PCNX1: variants seen among roughly 807,000 people sequenced by gnomAD.
The protein encoded by PCNX1 is pecanex 1.
A neutral mutation model predicts 242.2 loss-of-function variants in PCNX1; 78 were observed. The ratio of observed to expected loss-of-function variants is 0.32; its 90% confidence interval spans 0.27 to 0.39. PCNX1 has a LOEUF of 0.39. Among genes scored for constraint, PCNX1 ranks in the 10% least tolerant of loss-of-function variants. The probability of loss-of-function intolerance (pLI) is 1.00; values close to 1 mark genes in which losing one functional copy is unlikely to be tolerated. For synonymous variants in PCNX1, 1,024 were observed against 1,032.9 expected, an observed-to-expected ratio of 0.99 and a Z score of 0.17; for missense variants, 2,581 against 2,856.5, an observed-to-expected ratio of 0.90 and a Z score of 2.20.
intron 7 of PCNX1, among the ~76,000 whole-genome samples, chr14:70,994,984 G>A (rs774405761): frequency 7.9e-5 from 12 of 151,990 alleles, no homozygotes; most frequent in Non-Finnish European, 1.6e-4. Context: ...CTAAAATGAT[G>A]GATCCATGTA....
intron 26 of PCNX1, among the ~76,000 whole-genome samples, chr14:71,069,823 C>T (rs1007415546): frequency 1.3e-5 from 2 of 152,104 alleles, no homozygotes; most frequent in African/African-American, 2.4e-5. Context: ...TGGTGATTGC[C>T]GAAGGTTGGG....
intron 2 of PCNX1, among the ~76,000 whole-genome samples, chr14:70,950,061 A>G (rs926794254): frequency 2.0e-5 from 3 of 152,118 alleles, no homozygotes; most frequent in Non-Finnish European, 4.4e-5. Flanking sequence ...ATTTCTGTAT[A>G]TTTTCCAGGG....
At chr14:70,949,267 A>ATACACACACGTGCG (rs1566608325) in intron 2 of PCNX1, among the ~76,000 whole-genome samples, 1 of 23,820 alleles carries the variant, frequency 4.2e-5, no homozygotes, top group African/African-American at 1.3e-4. Flanking sequence ...ACACACGTGT[A>ATACACACACGTGCG]TGCACACACG....
intron 8 of PCNX1, among the ~76,000 whole-genome samples, chr14:70,998,881 T>G (rs555567579): frequency 3.3e-5 from 5 of 152,274 alleles, no homozygotes; most frequent in Admixed American, 3.3e-4. Flanking sequence ...GTTTTGGAAG[T>G]TAATATCTTT....
chr14:71,110,009 G>GAAGATGCC lies in PCNX1; in HGVS notation c.*75_*82dup. 7.7e-7 allele frequency: 1 copy of GAAGATGCC among 1,299,592 alleles called. No individual in the cohort carries two copies. Among genetic ancestry groups the GAAGATGCC allele is most frequent in the Non-Finnish European group, 1.1e-6 (1 of 897,154 alleles). The allele number at this position is 1,299,592 out of a possible 1,614,324, so 80.5% of individuals were successfully genotyped here. ...CATTGGAAAAAGAGAGGAACAAGCA[G>GAAGATGCC]AAGATGCCTGCAGGTATCACTTTGA... On this transcript the variant is annotated 3_prime_UTR_variant, in exon 36 of 36. Coordinates refer to ENST00000304743, the MANE Select transcript of PCNX1 (RefSeq NM_014982.3).
At chr14:71,078,917 G>A (rs145855021) in intron 28 of PCNX1, among the ~76,000 whole-genome samples, 105 of 152,104 alleles carry the variant, frequency 6.9e-4, no homozygotes, top group African/African-American at 2.4e-3. Context: ...TTGTGGCATG[G>A]GTATACACAT....
intron 5 of PCNX1, among the ~76,000 whole-genome samples, chr14:70,976,265 A>G (rs1792851721): frequency 6.6e-6 from 1 of 152,148 alleles, no homozygotes; most frequent in South Asian, 2.1e-4. Flanking sequence ...ACAGATTTAC[A>G]GGGGGGTAAC....
At chr14:71,098,558 G>C (rs1377405778) in intron 30 of PCNX1, among the ~76,000 whole-genome samples, 2 of 150,856 alleles carry the variant, frequency 1.3e-5, no homozygotes, top group African/African-American at 4.9e-5. Context: ...GTGTGTGAGA[G>C]AGAGAGAGAG....
At position 70,947,087 on chromosome 14, in the gene PCNX1, A is replaced by G. The variant is rs2057486419; in HGVS notation, c.326A>G (p.Asn109Ser). The G allele has an allele frequency of 6.2e-7, 1 of 1,613,018 alleles. No homozygotes were observed. The highest frequency in any genetic ancestry group is 8.5e-7 in the Non-Finnish European group (1 of 1,179,488). ...TDQRTKAEQG[N>S]CSTRRKDSNG... is the part of the protein sequence containing the mutation. ...CAGCGAACCAAAGCTGAACAAGGCAACTGTTCAACCAGGAGAAAAGACAGC... is the reference window on the plus strand; with the variant it reads ...CAGCGAACCAAAGCTGAACAAGGCAGCTGTTCAACCAGGAGAAAAGACAGC... The change falls in exon 2 of 36, where the codon AAC becomes AGC. Residue 109 changes from asparagine to serine, a missense_variant. Physicochemically the swap from Asn to Ser is conservative, Grantham distance 46 (BLOSUM62 1). This residue lies in a region of PCNX1 where 1,204 missense variants were observed against 1,216.7 expected (regional missense o/e 0.99). Coordinates refer to ENST00000304743, the MANE Select transcript of PCNX1 (RefSeq NM_014982.3).
chr14:70,910,685 G>A (rs1566809791), intron 1 of PCNX1, among the ~76,000 whole-genome samples: 1 of 152,124 alleles, frequency 6.6e-6, no homozygotes, highest in East Asian at 1.9e-4. Flanking sequence ...ATTCCTAACT[G>A]ATATCTATTT....
chr14:70,988,364 A>C (rs562465196), intron 6 of PCNX1, among the ~76,000 whole-genome samples: 12 of 152,374 alleles, frequency 7.9e-5, no homozygotes, highest in African/African-American at 2.9e-4. Context: ...ATTATTTTTA[A>C]AGAAACAATT....
At chr14:70,956,268 C>A (rs369783329) in intron 2 of PCNX1, among the ~76,000 whole-genome samples, 15 of 152,078 alleles carry the variant, frequency 9.9e-5, no homozygotes, top group African/African-American at 2.9e-4. Flanking sequence ...AAGGGCCAAG[C>A]GCAGTGGCTC....
chr14:70,986,970 T>C (rs1223862467), intron 6 of PCNX1, among the ~76,000 whole-genome samples: 1 of 152,222 alleles, frequency 6.6e-6, no homozygotes, highest in Non-Finnish European at 1.5e-5. Flanking sequence ...TAAACCTTAT[T>C]GGTGTCTAAG....
At chr14:70,924,231 CAAAA>C (rs60333920) in intron 1 of PCNX1, among the ~76,000 whole-genome samples, 4 of 98,004 alleles carry the variant, frequency 4.1e-5, no homozygotes, top group Non-Finnish European at 6.1e-5. Flanking sequence ...GAGACTGTCT[CAAAA>C]AAAAAAAAAA....
At chr14:71,090,851 C>G (rs2062109543) in intron 30 of PCNX1, among the ~76,000 whole-genome samples, 1 of 152,208 alleles carries the variant, frequency 6.6e-6, no homozygotes, top group African/African-American at 2.4e-5. Context: ...GAATTAAAGC[C>G]TCTGATGCCT....
At chr14:71,101,220 A>G (rs1280440993) in intron 30 of PCNX1, among the ~76,000 whole-genome samples, 2 of 152,194 alleles carry the variant, frequency 1.3e-5, no homozygotes, top group Non-Finnish European at 2.9e-5. Flanking sequence ...AAAGCAGCCT[A>G]TCATATTTAC....
intron 5 of PCNX1, among the ~76,000 whole-genome samples, chr14:70,976,580 A>G (rs371475687): frequency 3.5e-3 from 532 of 152,056 alleles, no homozygotes; most frequent in African/African-American, 0.012. Context: ...TCACAGTGTT[A>G]GCCAGGATGG....
At chr14:70,938,391 G>A (rs1279076675) in intron 1 of PCNX1, among the ~76,000 whole-genome samples, 1 of 151,568 alleles carries the variant, frequency 6.6e-6, no homozygotes, top group Non-Finnish European at 1.5e-5. Flanking sequence ...TGAGATAATC[G>A]TGGTTTTTGT....
intron 30 of PCNX1, among the ~76,000 whole-genome samples, chr14:71,100,010 T>C (rs992950350): frequency 2.2e-4 from 34 of 152,300 alleles, no homozygotes; most frequent in African/African-American, 7.2e-4. Flanking sequence ...ATCTTTTTTT[T>C]TTAATCTACC....
Sources: allele counts gnomAD v4.1 joint callset (sites outside exome capture counted in the v4.1 genomes callset), GRCh38; gene constraint gnomAD v4.1.1; regional missense constraint gnomAD v4.1.1; transcripts MANE v1.5; gene names NCBI Gene and HGNC (gene_info 2026-07-23, HGNC 2026-07-21).